The following CNTN4 variants were observed in gnomAD, a reference collection of about 807,000 sequenced individuals.
The protein encoded by CNTN4 is contactin 4, also known as contactin-4.
In CNTN4, 77 loss-of-function variants were observed where a neutral mutation model predicts 122.5. The ratio of observed to expected loss-of-function variants is 0.63; its 90% CI spans 0.52 to 0.76. CNTN4 has a LOEUF of 0.76. Ranked by LOEUF, CNTN4 falls within the 30% of genes least tolerant of loss-of-function variation. The pLI, the probability that CNTN4 is intolerant of heterozygous loss-of-function variation, is 0.00. For missense variants in CNTN4, 1,256 were observed against 1,259.1 expected, an observed-to-expected ratio of 1.00 and a Z score of 0.04; for synonymous variants, 512 against 447.0, an observed-to-expected ratio of 1.15 and a Z score of -1.83.
In CNTN4 at chr3:2,876,772, A is replaced by G. The variant is rs530567786; in HGVS notation, c.653-6373A>G. On this transcript the variant is annotated intron_variant, in intron 8 of 24. Transcript: ENST00000418658. ...AGGTTTTGAAGGAGATACAGTTGCC[A>G]CAAGTTCTTCTACAGAGTCCAGACT... Among the ~76,000 whole-genome samples, 6 of 152,348 alleles carry G rather than the reference A, an allele frequency of 3.9e-5. No individual in the cohort carries two copies. In the South Asian group the frequency reaches 1.0e-3, roughly 26 times the overall value.
chr3:2,352,546 G>A (rs930526167), intron 3 of CNTN4, among the ~76,000 whole-genome samples: 21 of 152,322 alleles, frequency 1.4e-4, no homozygotes, highest in Admixed American at 5.2e-4. Flanking sequence ...GCCAACGGGC[G>A]GAGGGGATGC....
At chr3:2,781,879 A>G (rs35914222) in intron 6 of CNTN4, among the ~76,000 whole-genome samples, 12,990 of 115,790 alleles carry the variant, frequency 0.11, 2,119 homozygotes, top group African/African-American at 0.26. Flanking sequence ...CGCCCGCACC[A>G]CGCCCGGCTA....
chr3:2,412,697 C>A (rs1020929414), intron 3 of CNTN4, among the ~76,000 whole-genome samples: 1 of 151,878 alleles, frequency 6.6e-6, no homozygotes, highest in African/African-American at 2.4e-5. Flanking sequence ...TAGCAAATAA[C>A]AGGGCTTTTT....
chr3:2,349,608 A>G (rs1292047727), intron 3 of CNTN4, among the ~76,000 whole-genome samples: 2 of 152,212 alleles, frequency 1.3e-5, no homozygotes, highest in African/African-American at 4.8e-5. Context: ...GAAAATTTTA[A>G]GGAAAATGTA....
chr3:2,201,666 A>G (rs2038100079), intron 2 of CNTN4, among the ~76,000 whole-genome samples: 2 of 152,176 alleles, frequency 1.3e-5, no homozygotes, highest in African/African-American at 4.8e-5. Context: ...GAAGTACCCA[A>G]AAATGAAGTG....
intron 4 of CNTN4, among the ~76,000 whole-genome samples, chr3:2,594,183 A>G (rs2080645423): frequency 6.6e-6 from 1 of 152,042 alleles, no homozygotes; most frequent in African/African-American, 2.4e-5. Flanking sequence ...TTGATTGGAG[A>G]GCTACATTTT....
At chr3:2,224,153 G>A (rs547229615) in intron 2 of CNTN4, among the ~76,000 whole-genome samples, 5 of 152,276 alleles carry the variant, frequency 3.3e-5, no homozygotes, top group South Asian at 2.1e-4. Flanking sequence ...AGCTACTCCT[G>A]TGGCTGCAGT....
intron 3 of CNTN4, among the ~76,000 whole-genome samples, chr3:2,440,035 G>A (rs1409190261): frequency 6.6e-6 from 1 of 152,176 alleles, no homozygotes; most frequent in African/African-American, 2.4e-5. Flanking sequence ...GAACTGCACA[G>A]AAGTGTTACA....
chr3:2,372,832 C>A (rs546808296), intron 3 of CNTN4, among the ~76,000 whole-genome samples: 2 of 152,194 alleles, frequency 1.3e-5, no homozygotes, highest in African/African-American at 4.8e-5. Flanking sequence ...GGGCGGATCA[C>A]TGGAGGCCAG....
chr3:2,641,643 G>A (rs749373723), intron 4 of CNTN4, among the ~76,000 whole-genome samples: 42 of 152,154 alleles, frequency 2.8e-4, no homozygotes, highest in Non-Finnish European at 4.9e-4. Flanking sequence ...TACATTCCTG[G>A]TTATATATCA....
chr3:2,948,785 A>G (rs755943863), intron 13 of CNTN4, among the ~76,000 whole-genome samples: 57 of 152,212 alleles, frequency 3.7e-4, no homozygotes, highest in Non-Finnish European at 6.9e-4. Context: ...GGGATGTTAT[A>G]TAAAATAAAT....
intron 2 of CNTN4, among the ~76,000 whole-genome samples, chr3:2,195,750 A>G (rs2037806168): frequency 6.6e-6 from 1 of 152,216 alleles, no homozygotes; most frequent in Non-Finnish European, 1.5e-5. Context: ...GTTTGCCATC[A>G]AAAACAAAGG....
intron 4 of CNTN4, among the ~76,000 whole-genome samples, chr3:2,642,229 A>G (rs145558127): frequency 1.3e-5 from 2 of 152,304 alleles, no homozygotes; most frequent in African/African-American, 4.8e-5. Flanking sequence ...GGCAGGAAGC[A>G]TGCAGCATGG....
intron 2 of CNTN4, among the ~76,000 whole-genome samples, chr3:2,236,496 T>G (rs2149578056): frequency 6.6e-6 from 1 of 152,372 alleles, no homozygotes; most frequent in Non-Finnish European, 1.5e-5. Context: ...CTGTGTTCAA[T>G]TCATTGAACT....
intron 3 of CNTN4, among the ~76,000 whole-genome samples, chr3:2,568,838 G>A (rs1371659267): frequency 6.6e-6 from 1 of 152,120 alleles, no homozygotes; most frequent in African/African-American, 2.4e-5. Context: ...AATAGAACAT[G>A]CACTGTAAAT....
At chr3:2,954,445 A>G (rs2094778049) in intron 13 of CNTN4, among the ~76,000 whole-genome samples, 1 of 151,894 alleles carries the variant, frequency 6.6e-6, no homozygotes, top group Non-Finnish European at 1.5e-5. Context: ...ATGTCTTGCC[A>G]TCAAATACGG....
intron 5 of CNTN4, among the ~76,000 whole-genome samples, chr3:2,744,546 C>T (rs915635892): frequency 2.0e-5 from 3 of 152,198 alleles, no homozygotes; most frequent in Non-Finnish European, 2.9e-5. Flanking sequence ...TGGTAATTCA[C>T]AAACTCCTAC....
intron 12 of CNTN4, among the ~76,000 whole-genome samples, chr3:2,907,360 G>A (rs2094247392): frequency 6.6e-6 from 1 of 152,094 alleles, no homozygotes; most frequent in South Asian, 2.1e-4. Context: ...ATCACCTGAG[G>A]TCAGGAGTTC....
intron 6 of CNTN4, among the ~76,000 whole-genome samples, chr3:2,752,468 C>T (rs1056975378): frequency 1.3e-5 from 2 of 152,134 alleles, no homozygotes; most frequent in African/African-American, 2.4e-5. Context: ...CGGGTCCAAG[C>T]GATTTTACTG....
Sources: gnomAD v4.1 joint callset for allele counts (sites outside exome capture counted in the v4.1 genomes callset) on GRCh38, gnomAD v4.1.1 for gene constraint, MANE v1.5 for transcripts, NCBI Gene and HGNC (gene_info 2026-07-23, HGNC 2026-07-21) for gene names.